The following KAZN variants were observed in gnomAD, a reference collection of about 807,000 sequenced individuals.
The protein encoded by KAZN is kazrin, periplakin interacting protein.
A neutral mutation model predicts 87.4 loss-of-function variants in KAZN; 40 were observed. The observed-to-expected ratio is 0.46, with a 90% CI of 0.36 to 0.60. The LOEUF (loss-of-function observed/expected upper bound fraction) is 0.60. Ranked by LOEUF, KAZN falls within the 20% of genes least tolerant of loss-of-function variation. KAZN has a pLI of 0.00. For synonymous variants in KAZN, 466 were observed against 458.3 expected, an observed-to-expected ratio of 1.02 and a Z score of -0.22; for missense variants, 898 against 1,073.9, an observed-to-expected ratio of 0.84 and a Z score of 2.29.
intron 2 of KAZN, among the ~76,000 whole-genome samples, chr1:14,400,263 T>C (rs72870808): frequency 0.052 from 7,883 of 152,214 alleles, 714 homozygotes; most frequent in African/African-American, 0.18. Context: ...CTAAGAGCAA[T>C]GTGAGAACAA....
intron 2 of KAZN, among the ~76,000 whole-genome samples, chr1:14,523,073 A>G (rs954104158): frequency 1.6e-4 from 25 of 152,128 alleles, no homozygotes; most frequent in African/African-American, 5.8e-4. Context: ...GTCCTAGTCT[A>G]CTGGTCCCTC....
At chr1:14,792,639 G>C (rs1645710948) in intron 1 of KAZN, among the ~76,000 whole-genome samples, 1 of 152,146 alleles carries the variant, frequency 6.6e-6, no homozygotes, top group South Asian at 2.1e-4. Flanking sequence ...ACAAGGCACA[G>C]AGACAAACGC....
chr1:14,524,168 T>C (rs968637471), intron 2 of KAZN, among the ~76,000 whole-genome samples: 1 of 151,974 alleles, frequency 6.6e-6, no homozygotes, highest in Non-Finnish European at 1.5e-5. Context: ...ATTACAGGCA[T>C]GCACCACCAC....
At chr1:14,043,462 G>A (rs1278285462) in intron 1 of KAZN, among the ~76,000 whole-genome samples, 1 of 152,168 alleles carries the variant, frequency 6.6e-6, no homozygotes, top group African/African-American at 2.4e-5. Flanking sequence ...AAGTGGAATT[G>A]CTGGATCAAA....
intron 1 of KAZN, among the ~76,000 whole-genome samples, chr1:14,092,152 G>A (rs1416624369): frequency 7.6e-5 from 11 of 144,250 alleles, no homozygotes; most frequent in East Asian, 4.0e-4. Context: ...GTGCAGTGGC[G>A]CAATCTCAGC....
chr1:13,965,526 G>A (rs1641910853), intron 1 of KAZN, among the ~76,000 whole-genome samples: 1 of 152,136 alleles, frequency 6.6e-6, no homozygotes, highest in Non-Finnish European at 1.5e-5. Flanking sequence ...TTTTGGACCT[G>A]TTATTTGGTA....
intron 1 of KAZN, among the ~76,000 whole-genome samples, chr1:13,945,203 G>A (rs966023100): frequency 2.6e-5 from 4 of 152,128 alleles, no homozygotes; most frequent in African/African-American, 9.7e-5. Context: ...GCTGGGCGTG[G>A]TGGCTCACAC....
At chr1:15,012,163 C>G (rs1387748024) in intron 2 of KAZN, among the ~76,000 whole-genome samples, 6 of 152,180 alleles carry the variant, frequency 3.9e-5, no homozygotes, top group Non-Finnish European at 7.3e-5. Context: ...TTAAGACACT[C>G]TCCCAAAGTC....
At chr1:14,603,879 C>T (rs555824265) in intron 1 of KAZN, among the ~76,000 whole-genome samples, 28 of 152,256 alleles carry the variant, frequency 1.8e-4, no homozygotes, top group African/African-American at 6.3e-4. Context: ...GCCTGCTCAC[C>T]GTGCATATCA....
chr1:14,459,215 G>A (rs748335335), intron 2 of KAZN, among the ~76,000 whole-genome samples: 17 of 151,986 alleles, frequency 1.1e-4, no homozygotes, highest in East Asian at 3.9e-4. Context: ...CAGACCTCCT[G>A]CTGGCCTAGG....
rs546090123 is a variant in KAZN, at chr1:15,067,600, G to T, written c.1222+1847G>T. On this transcript the variant is annotated intron_variant, in intron 8 of 14. Coordinates refer to ENST00000376030, the MANE Select transcript of KAZN (RefSeq NM_201628.3). Reference sequence around the variant, plus strand: ...TGACATTTTCAGCTCTTAAAAAGAAGCAAGGAGATTTTCAAATGCTAGAGT... The same window carrying T: ...TGACATTTTCAGCTCTTAAAAAGAATCAAGGAGATTTTCAAATGCTAGAGT... The T allele has an allele frequency of 2.4e-4, 232 of 985,470 alleles. No individual in the cohort carries two copies. The African/African-American group carries it at 3.9e-3, about 17-fold the overall frequency. 61.0% of individuals were successfully genotyped at this position (985,470 alleles called of 1,614,324 possible). A position where few individuals can be genotyped will look rare whatever the true frequency, so the allele number is the denominator to read the frequency against.
intron 1 of KAZN, among the ~76,000 whole-genome samples, chr1:14,619,618 G>T (rs1324821640): frequency 6.6e-6 from 1 of 152,126 alleles, no homozygotes; most frequent in South Asian, 2.1e-4. Context: ...TTTGCAACCC[G>T]TGCCACTATC....
chr1:15,048,652 C>T (rs1673879297), intron 4 of KAZN, among the ~76,000 whole-genome samples: 2 of 147,446 alleles, frequency 1.4e-5, no homozygotes, highest in South Asian at 4.5e-4. Flanking sequence ...GGTCCTGGGT[C>T]GTCGGTCCTG....
chr1:14,333,888 G>T (rs1657029343), intron 2 of KAZN, among the ~76,000 whole-genome samples: 1 of 152,150 alleles, frequency 6.6e-6, no homozygotes, highest in South Asian at 2.1e-4. Flanking sequence ...GGCTGCCCCT[G>T]GACACCTCCT....
chr1:14,493,168 C>T (rs577455845), intron 2 of KAZN, among the ~76,000 whole-genome samples: 3 of 151,546 alleles, frequency 2.0e-5, no homozygotes, highest in African/African-American at 4.8e-5. Flanking sequence ...TATTCTGCCT[C>T]GGGGAATCTT....
At chr1:14,786,993 A>G (rs1386549567) in intron 1 of KAZN, among the ~76,000 whole-genome samples, 1 of 152,012 alleles carries the variant, frequency 6.6e-6, no homozygotes, top group Non-Finnish European at 1.5e-5. Flanking sequence ...TTAGTTTCCA[A>G]CTCTTGACAC....
chr1:13,897,663 G>A (rs1639094709), intron 1 of KAZN, among the ~76,000 whole-genome samples: 1 of 152,156 alleles, frequency 6.6e-6, no homozygotes, highest in African/African-American at 2.4e-5. Context: ...TAACCAGTGA[G>A]ATTTCCATGT....
chr1:15,024,582 C>G (rs541500016), intron 2 of KAZN, among the ~76,000 whole-genome samples: 1 of 152,336 alleles, frequency 6.6e-6, no homozygotes, highest in South Asian at 2.1e-4. Flanking sequence ...TCCGAGGAGC[C>G]TCTTGTAGAA....
At chr1:14,083,006 C>G (rs1643737782) in intron 1 of KAZN, among the ~76,000 whole-genome samples, 1 of 152,224 alleles carries the variant, frequency 6.6e-6, no homozygotes, top group Non-Finnish European at 1.5e-5. Flanking sequence ...TCCTGGCTAA[C>G]ACGGTGAAAC....
Sources: allele counts gnomAD v4.1 joint callset (sites outside exome capture counted in the v4.1 genomes callset), GRCh38; gene constraint gnomAD v4.1.1; transcripts MANE v1.5; gene names NCBI Gene and HGNC (gene_info 2026-07-23, HGNC 2026-07-21).